The following AFG2A variants were observed in gnomAD, a reference collection of about 807,000 sequenced individuals.
The protein encoded by AFG2A is ATPase family gene 2 protein homolog A.
the AFG2A span, among the ~76,000 whole-genome samples, chr4:123,038,098 A>G: frequency 6.6e-6 from 1 of 152,066 alleles, no homozygotes; most frequent in African/African-American, 2.4e-5. Context: ...CTTTTGTGCC[A>G]ATGGTGGCCA....
the AFG2A span, among the ~76,000 whole-genome samples, chr4:123,204,268 A>G: frequency 7.7e-4 from 117 of 152,324 alleles, 1 homozygote; most frequent in African/African-American, 2.6e-3. Flanking sequence ...CCTACTGCAT[A>G]TGATAAATTC....
the AFG2A span, among the ~76,000 whole-genome samples, chr4:123,179,404 G>A: frequency 6.6e-6 from 1 of 152,276 alleles, no homozygotes; most frequent in Non-Finnish European, 1.5e-5. Flanking sequence ...GCAGTATTAT[G>A]ATCTTGGCTT....
the AFG2A span, among the ~76,000 whole-genome samples, chr4:122,954,397 A>T: frequency 6.6e-6 from 1 of 152,170 alleles, no homozygotes; most frequent in Non-Finnish European, 1.5e-5. Flanking sequence ...AGGCAGAGAC[A>T]AGTTTTGTGG....
At chr4:123,062,805 C>G in the AFG2A span, among the ~76,000 whole-genome samples, 2 of 152,294 alleles carry the variant, frequency 1.3e-5, no homozygotes, top group Admixed American at 1.3e-4. Flanking sequence ...TTGACCCAAA[C>G]TTCATTATGT....
chr4:123,274,072 A>G, the AFG2A span, among the ~76,000 whole-genome samples: 1 of 152,106 alleles, frequency 6.6e-6, no homozygotes, highest in Non-Finnish European at 1.5e-5. Flanking sequence ...CTATTCTTAT[A>G]TTCATTCTCA....
At chr4:122,927,950 C>T in the AFG2A span, among the ~76,000 whole-genome samples, 1,766 of 152,252 alleles carry the variant, frequency 0.012, 49 homozygotes, top group South Asian at 0.11. Context: ...AAATTCAAAA[C>T]GCTCCTGGTC....
chr4:123,124,798 G>A, the AFG2A span, among the ~76,000 whole-genome samples: 1 of 152,072 alleles, frequency 6.6e-6, no homozygotes, highest in East Asian at 1.9e-4. Flanking sequence ...TGGGTCAGAG[G>A]CATTCCAAAT....
the AFG2A span, among the ~76,000 whole-genome samples, chr4:123,308,735 C>T: frequency 5.3e-5 from 8 of 152,150 alleles, no homozygotes; most frequent in African/African-American, 1.7e-4. Flanking sequence ...ACTAAAAATA[C>T]TATAGATTGG....
the AFG2A span, among the ~76,000 whole-genome samples, chr4:122,956,836 C>T: frequency 6.6e-6 from 1 of 152,270 alleles, no homozygotes; most frequent in South Asian, 2.1e-4. Context: ...TATGTAGTAT[C>T]ATTTTCTTAA....
the AFG2A span, among the ~76,000 whole-genome samples, chr4:123,175,859 G>A: frequency 6.6e-6 from 1 of 152,178 alleles, no homozygotes; most frequent in African/African-American, 2.4e-5. Flanking sequence ...AGACTCCTGG[G>A]AACATACACC....
chr4:123,050,248 A>C, the AFG2A span, among the ~76,000 whole-genome samples: 1 of 152,194 alleles, frequency 6.6e-6, no homozygotes, highest in African/African-American at 2.4e-5. Flanking sequence ...ATAATGTGCC[A>C]TGTGCTGATA....
At chr4:123,278,071 T>C in the AFG2A span, among the ~76,000 whole-genome samples, 1 of 152,148 alleles carries the variant, frequency 6.6e-6, no homozygotes, top group African/African-American at 2.4e-5. Flanking sequence ...TTTATACATC[T>C]GGTAGAATTC....
chr4:123,077,213 A>C, the AFG2A span, among the ~76,000 whole-genome samples: 1 of 151,604 alleles, frequency 6.6e-6, no homozygotes, highest in Non-Finnish European at 1.5e-5. Context: ...ACGCCTGGCT[A>C]ATTTTTTGTA....
the AFG2A span, among the ~76,000 whole-genome samples, chr4:123,233,905 G>C: frequency 6.6e-5 from 10 of 152,156 alleles, no homozygotes; most frequent in African/African-American, 2.4e-4. Context: ...GGATCTGTCA[G>C]AAACAGCTTA....
the AFG2A span, among the ~76,000 whole-genome samples, chr4:123,251,928 A>G: frequency 6.6e-6 from 1 of 152,132 alleles, no homozygotes; most frequent in Non-Finnish European, 1.5e-5. Context: ...TATATTTGAT[A>G]GACAATCACC....
the AFG2A span, among the ~76,000 whole-genome samples, chr4:122,943,448 G>A: frequency 6.6e-5 from 10 of 152,160 alleles, no homozygotes; most frequent in East Asian, 1.9e-3. Context: ...TCAGAGACTA[G>A]GATTGCAAGC....
At chr4:122,930,094 A>C in the AFG2A span, among the ~76,000 whole-genome samples, 1 of 152,232 alleles carries the variant, frequency 6.6e-6, no homozygotes, top group Admixed American at 6.5e-5. Flanking sequence ...AATTAAGACT[A>C]TGCAAGCAAA....
At chr4:123,231,032 T>C in the AFG2A span, among the ~76,000 whole-genome samples, 1 of 152,020 alleles carries the variant, frequency 6.6e-6, no homozygotes, top group Non-Finnish European at 1.5e-5. Flanking sequence ...TAGCATATTC[T>C]TAAGAGCCCT....
the AFG2A span, among the ~76,000 whole-genome samples, chr4:123,132,575 CGAAGAAAACATGATGTGTGTACAT>C: frequency 7.5e-6 from 1 of 133,800 alleles, no homozygotes; most frequent in East Asian, 2.1e-4. Flanking sequence ...GAAGAATGGA[CGAAGAAAACATGATGTGTGTACAT>C]ATATATATAT....
Sources: gnomAD v4.1 joint callset for allele counts (sites outside exome capture counted in the v4.1 genomes callset) on GRCh38, gnomAD v4.1.1 for gene constraint, MANE v1.5 for transcripts, NCBI Gene and HGNC (gene_info 2026-07-23, HGNC 2026-07-21) for gene names.